Variants in ARID1B observed in about 807,000 individuals in gnomAD.
ARID1B encodes AT-rich interaction domain 1B.
Under a neutral mutation model 212.3 loss-of-function variants are expected in ARID1B, and 30 were observed. The observed-to-expected ratio is 0.14, with a 90% CI of 0.11 to 0.19. ARID1B has a LOEUF of 0.19. Ranked by LOEUF, ARID1B falls within the 10% of genes least tolerant of loss-of-function variation. The pLI is 1.00. For missense variants in ARID1B, 2,891 were observed against 3,204.0 expected (o/e 0.90, Z 2.36); for synonymous variants, 1,402 against 1,301.7 (o/e 1.08, Z -1.66).
At chr6:157,005,685 C>A (rs748432591) in intron 4 of ARID1B, among the ~76,000 whole-genome samples, 1 of 152,178 alleles carries the variant, frequency 6.6e-6, no homozygotes, top group Admixed American at 6.5e-5. Context: ...GTTCTACTCA[C>A]CACATCCCAA....
intron 2 of ARID1B, among the ~76,000 whole-genome samples, chr6:156,866,420 T>G (rs1233734717): frequency 6.6e-6 from 1 of 152,224 alleles, no homozygotes; most frequent in East Asian, 1.9e-4. Flanking sequence ...GTCAGCTGGG[T>G]GTCGGACTTA....
chr6:157,116,645 G>A (rs1787339415), intron 6 of ARID1B, among the ~76,000 whole-genome samples: 1 of 151,778 alleles, frequency 6.6e-6, no homozygotes, highest in Admixed American at 6.6e-5. Flanking sequence ...CTCCAGGACT[G>A]TGAGCCACGA....
intron 2 of ARID1B, among the ~76,000 whole-genome samples, chr6:156,865,934 A>G (rs1008806812): frequency 2.0e-5 from 3 of 151,970 alleles, no homozygotes; most frequent in Admixed American, 6.6e-5. Context: ...TCTGTTTTGC[A>G]TAGTTTCCTT....
In ARID1B at chr6:157,196,263, C is replaced by G. The variant is rs2128357023; in HGVS notation, c.4330C>G (p.Leu1444Val). Residue 1444 changes from leucine to valine, a missense_variant, in exon 16 of 20, where the codon CTG becomes GTG. Transcript: ENST00000636930. ...NQSPSGAMSN[L>V]GMGQRQQFPY... Reference sequence around the variant, plus strand: ...AAGTCCCTCCGGAGCAATGTCTAACCTGGGCATGGGGCAGCGCCAGCAGTT... The same window carrying G: ...AAGTCCCTCCGGAGCAATGTCTAACGTGGGCATGGGGCAGCGCCAGCAGTT... The G allele has an allele frequency of 6.2e-7, 1 of 1,612,460 alleles. No individual in the cohort carries two copies. Among genetic ancestry groups the G allele is most frequent in the Non-Finnish European group, 8.5e-7 (1 of 1,179,630 alleles).
At chr6:157,048,877 G>C (rs1782409231) in intron 4 of ARID1B, among the ~76,000 whole-genome samples, 2 of 152,132 alleles carry the variant, frequency 1.3e-5, no homozygotes, top group South Asian at 4.2e-4. Context: ...AAGTCACCAA[G>C]ACTTGCTACC....
At chr6:156,803,742 G>T (rs970884287) in intron 1 of ARID1B, among the ~76,000 whole-genome samples, 1 of 150,946 alleles carries the variant, frequency 6.6e-6, no homozygotes, top group East Asian at 2.0e-4. Context: ...CCTGTCTTGG[G>T]TGGGCTTTCC....
At chr6:156,914,183 C>T (rs1790159305) in intron 3 of ARID1B, among the ~76,000 whole-genome samples, 1 of 150,906 alleles carries the variant, frequency 6.6e-6, no homozygotes. Flanking sequence ...CCATTCCACT[C>T]TACTCCCCAG....
intron 12 of ARID1B, among the ~76,000 whole-genome samples, chr6:157,182,461 C>T (rs903641907): frequency 1.3e-5 from 2 of 152,202 alleles, no homozygotes; most frequent in Non-Finnish European, 2.9e-5. Context: ...TGAAATGAAA[C>T]CTTCTGTGCC....
intron 1 of ARID1B, among the ~76,000 whole-genome samples, chr6:156,815,903 C>T (rs781193503): frequency 6.6e-6 from 1 of 152,250 alleles, no homozygotes; most frequent in South Asian, 2.1e-4. Flanking sequence ...TTCATGTTTT[C>T]CTGTGTTCTG....
intron 15 of ARID1B, among the ~76,000 whole-genome samples, chr6:157,193,221 T>C (rs1444600701): frequency 6.6e-6 from 1 of 152,224 alleles, no homozygotes; most frequent in East Asian, 1.9e-4. Context: ...CCTAATGCTC[T>C]AGTAATGGGT....
intron 4 of ARID1B, among the ~76,000 whole-genome samples, chr6:157,021,709 C>T (rs1780292109): frequency 1.3e-5 from 2 of 152,028 alleles, no homozygotes; most frequent in South Asian, 4.2e-4. Flanking sequence ...CGGCCGCCGC[C>T]TGCAGGCACC....
intron 1 of ARID1B, among the ~76,000 whole-genome samples, chr6:156,800,963 C>T (rs1341238763): frequency 1.3e-5 from 2 of 152,170 alleles, no homozygotes; most frequent in East Asian, 3.8e-4. Flanking sequence ...TGTATGTGCT[C>T]AGCAGCACAA....
Position 157,060,630 on chromosome 6 carries a change from C to CTTTTT in ARID1B, c.2248-24010_2248-24006dup, listed in dbSNP as rs56870548. On this transcript the variant is annotated intron_variant, in intron 4 of 19. Coordinates refer to ENST00000636930, the MANE Select transcript of ARID1B (RefSeq NM_001374828.1). ...TAATATATGTGAAGCAAAATCTGAACTTTTTTTTTTTTTTTTTTTTTTTTT... is the reference window on the plus strand; with the variant it reads ...TAATATATGTGAAGCAAAATCTGAACTTTTTTTTTTTTTTTTTTTTTTTTTTTTTT... Among the ~76,000 whole-genome samples, 15 of 72,040 alleles carry CTTTTT rather than the reference C, an allele frequency of 2.1e-4. 1 individual carries two copies. Among genetic ancestry groups the CTTTTT allele is most frequent in the African/African-American group, 6.3e-4 (10 of 15,960 alleles). The allele number at this position is 72,040 out of a possible 152,430, so 47.3% of individuals were successfully genotyped here. A position where few individuals can be genotyped will look rare whatever the true frequency, so the allele number is the denominator to read the frequency against.
intron 4 of ARID1B, among the ~76,000 whole-genome samples, chr6:156,950,305 C>G (rs770566385): frequency 2.6e-5 from 4 of 152,156 alleles, no homozygotes; most frequent in Non-Finnish European, 5.9e-5. Flanking sequence ...GGTACAAACA[C>G]CATATAACCG....
At chr6:156,819,091 A>G (rs894780350) in intron 1 of ARID1B, among the ~76,000 whole-genome samples, 3 of 152,208 alleles carry the variant, frequency 2.0e-5, no homozygotes, top group Non-Finnish European at 2.9e-5. Flanking sequence ...CTTCAGTATC[A>G]CAGAGCTACA....
At chr6:157,123,992 G>A (rs1353469740) in intron 6 of ARID1B, among the ~76,000 whole-genome samples, 1 of 152,226 alleles carries the variant, frequency 6.6e-6, no homozygotes, top group East Asian at 1.9e-4. Context: ...CTGTGGAGAT[G>A]GACAGGGTGG....
chr6:156,845,805 A>G (rs1205864463), intron 2 of ARID1B, among the ~76,000 whole-genome samples: 1 of 151,842 alleles, frequency 6.6e-6, no homozygotes, highest in Non-Finnish European at 1.5e-5. Flanking sequence ...TCTTTATTTC[A>G]TTTGTTCTTA....
At chr6:156,897,209 G>GCTTCTTCTT (rs1788493760) in intron 2 of ARID1B, among the ~76,000 whole-genome samples, 4 of 73,014 alleles carry the variant, frequency 5.5e-5, no homozygotes, top group African/African-American at 1.9e-4. Flanking sequence ...TGCTGCTGCT[G>GCTTCTTCTT]CTGCTGCTGC....
At chr6:157,180,302 G>A (rs1206974071) in intron 11 of ARID1B, among the ~76,000 whole-genome samples, 1 of 150,780 alleles carries the variant, frequency 6.6e-6, no homozygotes, top group Non-Finnish European at 1.5e-5. Flanking sequence ...ATAAATACAT[G>A]GGCATAAAAA....
Sources: gnomAD v4.1 joint callset for allele counts (sites outside exome capture counted in the v4.1 genomes callset) on GRCh38, gnomAD v4.1.1 for gene constraint, MANE v1.5 for transcripts, NCBI Gene and HGNC (gene_info 2026-07-23, HGNC 2026-07-21) for gene names.